Variants in GRM3 observed in about 807,000 individuals in gnomAD.
GRM3 encodes the protein metabotropic glutamate receptor 3.
In GRM3, 26 loss-of-function variants were observed where a neutral mutation model predicts 70.5. The ratio of observed to expected loss-of-function variants is 0.37; its 90% CI spans 0.27 to 0.51. GRM3 has a LOEUF of 0.51. GRM3 is among the 20% of genes least tolerant of loss of function. GRM3 has a pLI of 0.93. For synonymous variants in GRM3, 443 were observed against 434.9 expected (o/e 1.02, Z -0.23); for missense variants, 859 against 1,123.8 (o/e 0.76, Z 3.37).
intron 2 of GRM3, among the ~76,000 whole-genome samples, chr7:86,770,062 C>T (rs1192200969): frequency 6.6e-6 from 1 of 152,092 alleles, no homozygotes; most frequent in Non-Finnish European, 1.5e-5. Context: ...AATGATAATG[C>T]TTGTGCTTTT....
At position 86,719,153 on chromosome 7, in the gene GRM3, A is replaced by G. The variant is rs936155820; in HGVS notation, c.-140-45853A>G. Among the ~76,000 whole-genome samples the G allele has an allele frequency of 2.6e-5, 4 of 151,998 alleles. No individual in the cohort carries two copies. In the South Asian group the frequency reaches 8.3e-4, roughly 31 times the overall value. ...GAAAAAAAAGATGTAGTGAAAAAAT[A>G]CTTGCTTTTCTTATTTAGGGTAATA... On this transcript the variant is annotated intron_variant, in intron 1 of 5. Transcript: ENST00000361669.
intron 1 of GRM3, among the ~76,000 whole-genome samples, chr7:86,658,686 T>C (rs1793811705): frequency 6.6e-6 from 1 of 152,152 alleles, no homozygotes; most frequent in Non-Finnish European, 1.5e-5. Flanking sequence ...AATAGCTTTT[T>C]ATGGGGTAAA....
chr7:86,863,013 C>A (rs1022671602), intron 5 of GRM3, among the ~76,000 whole-genome samples: 1 of 151,922 alleles, frequency 6.6e-6, no homozygotes, highest in African/African-American at 2.4e-5. Context: ...GATCAAGTAC[C>A]CCAGAGGATC....
chr7:86,752,279 T>C (rs1421332220), intron 1 of GRM3, among the ~76,000 whole-genome samples: 1 of 152,148 alleles, frequency 6.6e-6, no homozygotes, highest in Non-Finnish European at 1.5e-5. Flanking sequence ...ACGCACTCTT[T>C]GGTGCCTAGC....
At chr7:86,823,303 C>CCATCCCCATTCTCAG (rs1798161447) in intron 3 of GRM3, among the ~76,000 whole-genome samples, 1 of 152,116 alleles carries the variant, frequency 6.6e-6, no homozygotes, top group African/African-American at 2.4e-5. Flanking sequence ...CCAGCATCCA[C>CCATCCCCATTCTCAG]CATCCCCATT....
intron 1 of GRM3, among the ~76,000 whole-genome samples, chr7:86,746,850 TAGA>T (rs1473998442): frequency 8.5e-5 from 13 of 152,234 alleles, no homozygotes; most frequent in African/African-American, 2.6e-4. Flanking sequence ...TGATAAAAAG[TAGA>T]AGAAGCCAAG....
chr7:86,764,560 TG>T (rs1169085926), intron 1 of GRM3, among the ~76,000 whole-genome samples: 1 of 152,006 alleles, frequency 6.6e-6, no homozygotes, highest in African/African-American at 2.4e-5. Flanking sequence ...GTGTTTTAAA[TG>T]GAAAGGGTAA....
chr7:86,727,192 T>G (rs1795612316), intron 1 of GRM3, among the ~76,000 whole-genome samples: 1 of 152,144 alleles, frequency 6.6e-6, no homozygotes, highest in African/African-American at 2.4e-5. Flanking sequence ...GTGGAAGATC[T>G]TAATGGAAGA....
At chr7:86,754,973 G>A (rs958357755) in intron 1 of GRM3, among the ~76,000 whole-genome samples, 15 of 152,124 alleles carry the variant, frequency 9.9e-5, no homozygotes, top group Admixed American at 4.6e-4. Flanking sequence ...CTCTACCAGA[G>A]AGAGGATGTT....
At chr7:86,766,895 T>G (rs1796613167) in intron 2 of GRM3, among the ~76,000 whole-genome samples, 1 of 152,140 alleles carries the variant, frequency 6.6e-6, no homozygotes, top group African/African-American at 2.4e-5. Flanking sequence ...TCTTTCTCTA[T>G]CTCACATTTG....
intron 3 of GRM3, among the ~76,000 whole-genome samples, chr7:86,792,180 G>A (rs1448176347): frequency 6.6e-6 from 1 of 152,162 alleles, no homozygotes; most frequent in African/African-American, 2.4e-5. Flanking sequence ...CCTGAGACCA[G>A]TTCCAGAAAG....
At chr7:86,652,747 C>G (rs575560477) in intron 1 of GRM3, among the ~76,000 whole-genome samples, 2 of 152,164 alleles carry the variant, frequency 1.3e-5, no homozygotes, top group Non-Finnish European at 2.9e-5. Context: ...CTTTATACTC[C>G]CCCATGTATT....
intron 1 of GRM3, among the ~76,000 whole-genome samples, chr7:86,745,963 A>G (rs1584210390): frequency 6.6e-6 from 1 of 152,050 alleles, no homozygotes; most frequent in Admixed American, 6.6e-5. Flanking sequence ...TGATGGAGAG[A>G]AAAGAATTAA....
Position 86,839,474 on chromosome 7 carries a change from A to G in GRM3, c.1960A>G (p.Ile654Val). 2 of 1,612,074 alleles carry G rather than the reference A, an allele frequency of 1.2e-6. No individual in the cohort carries two copies. Among genetic ancestry groups the G allele is most frequent in the Admixed American group, 1.7e-5 (1 of 59,952 alleles). Residue 654 changes from isoleucine to valine, a missense_variant, in exon 4 of 6, where the codon ATC (isoleucine) becomes GTC (valine). Coordinates refer to ENST00000361669, the MANE Select transcript of GRM3 (RefSeq NM_000840.3). This position sits in a 1 kb window ranked among gnomAD's most constrained non-coding sequence, Gnocchi z 4.5. ...RRLGLGSSFA[I>V]CYSALLTKTN... ...ACTCGGGCTGGGGAGTTCCTTCGCT[A>G]TCTGTTACTCAGCCCTGCTGACCAA...
chr7:86,661,780 T>G (rs1193247377), intron 1 of GRM3, among the ~76,000 whole-genome samples: 3 of 151,776 alleles, frequency 2.0e-5, no homozygotes, highest in Non-Finnish European at 4.4e-5. Context: ...GTTTTTTAAA[T>G]GACTTATCAA....
In GRM3 at chr7:86,850,496, C is replaced by T; in HGVS notation, c.2518C>T (p.His840Tyr). The T allele has an allele frequency of 6.2e-7, 1 of 1,609,804 alleles. No individual in the cohort carries two copies. The highest frequency in any genetic ancestry group is 1.7e-4 in the Middle Eastern group (1 of 6,042). ...PQKNVVTHRL[H>Y]LNRFSVSGTG... Reference sequence around the variant, plus strand: ...GAAGAATGTTGTCACACACAGACTGCACCTCAACAGGTTCAGTGTCAGTGG... The same window carrying T: ...GAAGAATGTTGTCACACACAGACTGTACCTCAACAGGTTCAGTGTCAGTGG... Residue 840 changes from histidine (H) to tyrosine (Y), a missense_variant, in exon 5 of 6, where the codon CAC becomes TAC. Transcript: ENST00000361669.
intron 3 of GRM3, chr7:86,833,090 T>A (rs946458773): frequency 2.0e-6 from 2 of 980,598 alleles, no homozygotes; most frequent in Non-Finnish European, 2.4e-6. Flanking sequence ...TTTCTGATGA[T>A]GCTTACTCCC....
intron 3 of GRM3, among the ~76,000 whole-genome samples, chr7:86,829,903 T>G (rs1798317035): frequency 6.6e-6 from 1 of 152,070 alleles, no homozygotes; most frequent in South Asian, 2.1e-4. Context: ...GCTACAAACT[T>G]CCAATTTGTA....
intron 3 of GRM3, among the ~76,000 whole-genome samples, chr7:86,823,619 T>TAGTG (rs1366635356): frequency 3.5e-4 from 43 of 121,366 alleles, no homozygotes; most frequent in Non-Finnish European, 6.3e-4. Flanking sequence ...GGGGGGGGAT[T>TAGTG]AGTGCATGCT....
Sources: gnomAD v4.1 joint callset for allele counts (sites outside exome capture counted in the v4.1 genomes callset) on GRCh38, gnomAD v4.1.1 for gene constraint, Gnocchi (gnomAD v3.1) non-coding constraint, MANE v1.5 for transcripts, NCBI Gene and HGNC (gene_info 2026-07-23, HGNC 2026-07-21) for gene names.